Variants in RARB observed in about 807,000 individuals in gnomAD.
RARB encodes retinoic acid receptor beta.
In RARB, 17 loss-of-function variants were observed where a neutral mutation model predicts 51.9. That is an observed-to-expected ratio of 0.33 (90% CI 0.22 to 0.49). The LOEUF (loss-of-function observed/expected upper bound fraction) is 0.49, where lower values mean the gene tolerates loss of function less well. Ranked by LOEUF, RARB falls within the 20% of genes least tolerant of loss-of-function variation. The probability of loss-of-function intolerance (pLI) is 0.99; values close to 1 mark genes in which losing one functional copy is unlikely to be tolerated. For missense variants in RARB, 369 were observed against 550.8 expected (o/e 0.67, Z 3.30); for synonymous variants, 215 against 195.4 (o/e 1.10, Z -0.84).
At chr3:25,556,518 A>G (rs1374950786) in intron 3 of RARB, among the ~76,000 whole-genome samples, 4 of 151,612 alleles carry the variant, frequency 2.6e-5, no homozygotes, top group Non-Finnish European at 5.9e-5. Context: ...TTGAAAAAGC[A>G]AAAAGTTTTA....
At chr3:25,090,482 T>A (rs866224369) in intron 3 of RARB, among the ~76,000 whole-genome samples, 7 of 152,256 alleles carry the variant, frequency 4.6e-5, no homozygotes, top group Middle Eastern at 3.4e-3. Context: ...TTTGTCACCA[T>A]CTCCTGTGCT....
chr3:25,071,962 C>G (rs944667409), intron 3 of RARB, among the ~76,000 whole-genome samples: 1 of 152,166 alleles, frequency 6.6e-6, no homozygotes, highest in South Asian at 2.1e-4. Flanking sequence ...CAAGGCAAAC[C>G]ATGCTACCTA....
intron 5 of RARB, among the ~76,000 whole-genome samples, chr3:25,233,400 C>T (rs1026354834): frequency 6.6e-6 from 1 of 152,132 alleles, no homozygotes; most frequent in African/African-American, 2.4e-5. Context: ...TGCAACCTTG[C>T]TAACATCACT....
intron 1 of RARB, among the ~76,000 whole-genome samples, chr3:24,845,512 A>G (rs997632385): frequency 7.2e-5 from 11 of 152,120 alleles, no homozygotes; most frequent in African/African-American, 2.7e-4. Context: ...GGAGATTTTG[A>G]TGGGGCATGT....
At chr3:25,593,002 G>A (rs1701671256) in intron 5 of RARB, among the ~76,000 whole-genome samples, 1 of 152,066 alleles carries the variant, frequency 6.6e-6, no homozygotes, top group Non-Finnish European at 1.5e-5. Context: ...TAACCTTTCT[G>A]AGCCTTAAGT....
chr3:25,541,563 A>G (rs1455900330), intron 3 of RARB, among the ~76,000 whole-genome samples: 2 of 152,222 alleles, frequency 1.3e-5, no homozygotes, highest in African/African-American at 2.4e-5. Context: ...AGAAAAGACC[A>G]GTTCAAACTT....
At chr3:25,386,578 C>A (rs139484184) in intron 5 of RARB, among the ~76,000 whole-genome samples, 1 of 152,192 alleles carries the variant, frequency 6.6e-6, no homozygotes, top group Admixed American at 6.5e-5. Flanking sequence ...TGGATTCAGG[C>A]GGAGGCCTTG....
At chr3:25,113,708 T>G (rs1453410364) in intron 3 of RARB, among the ~76,000 whole-genome samples, 1 of 152,048 alleles carries the variant, frequency 6.6e-6, no homozygotes, top group Non-Finnish European at 1.5e-5. Flanking sequence ...CCTGCTGGGA[T>G]ATAGACAACT....
At chr3:25,343,017 A>G (rs1705277064) in intron 5 of RARB, among the ~76,000 whole-genome samples, 1 of 112,846 alleles carries the variant, frequency 8.9e-6, no homozygotes, top group East Asian at 2.2e-4. Context: ...TACATTTTGC[A>G]AGTACTTTGT....
At chr3:25,117,602 AC>A (rs1232256888) in intron 3 of RARB, among the ~76,000 whole-genome samples, 1 of 152,114 alleles carries the variant, frequency 6.6e-6, no homozygotes, top group Non-Finnish European at 1.5e-5. Context: ...GTGGGAGGAA[AC>A]AGGTGAATTA....
intron 3 of RARB, among the ~76,000 whole-genome samples, chr3:25,121,343 C>T (rs144877566): frequency 2.2e-4 from 33 of 152,168 alleles, no homozygotes; most frequent in African/African-American, 7.9e-4. Context: ...CATTGCTCAC[C>T]TCCTTTTCAG....
intron 2 of RARB, among the ~76,000 whole-genome samples, chr3:24,947,935 A>G (rs1695809697): frequency 6.6e-6 from 1 of 151,930 alleles, no homozygotes; most frequent in South Asian, 2.1e-4. Flanking sequence ...ATGCTTAATG[A>G]TGTTACCAAT....
chr3:25,067,571 C>A (rs1477740457), intron 3 of RARB, among the ~76,000 whole-genome samples: 1 of 152,162 alleles, frequency 6.6e-6, no homozygotes, highest in Non-Finnish European at 1.5e-5. Context: ...TTGCTTAAAA[C>A]ATGGATTCCT....
intron 5 of RARB, among the ~76,000 whole-genome samples, chr3:25,401,557 TA>T (rs1707263745): frequency 6.6e-6 from 1 of 152,200 alleles, no homozygotes; most frequent in East Asian, 1.9e-4. Context: ...TGGGGAATTT[TA>T]CCAGAAAACT....
At chr3:24,872,599 G>GA (rs1702967694) in intron 2 of RARB, among the ~76,000 whole-genome samples, 1 of 152,104 alleles carries the variant, frequency 6.6e-6, no homozygotes, top group South Asian at 2.1e-4. Flanking sequence ...GCCAGCAAGA[G>GA]AGGGAGGAGG....
intron 5 of RARB, among the ~76,000 whole-genome samples, chr3:25,336,897 G>A (rs980071847): frequency 3.9e-5 from 6 of 152,114 alleles, no homozygotes; most frequent in African/African-American, 1.4e-4. Context: ...CTCAGAACAG[G>A]GTCCTACTCT....
At chr3:25,494,806 G>A (rs1696941332) in intron 2 of RARB, among the ~76,000 whole-genome samples, 1 of 152,178 alleles carries the variant, frequency 6.6e-6, no homozygotes, top group Admixed American at 6.5e-5. Context: ...ACTATTTGGG[G>A]ATCTTTATTT....
Position 24,989,111 on chromosome 3 carries a change from C to A in RARB, c.-379-71014C>A, listed in dbSNP as rs1696857697. Among the ~76,000 whole-genome samples the A allele has an allele frequency of 3.3e-5, 5 of 152,348 alleles. No individual in the cohort carries two copies. In the South Asian group the frequency reaches 8.3e-4, roughly 25 times the overall value. On this transcript the variant is annotated intron_variant, in intron 2 of 11. Transcript: ENST00000383772. ...AAAGTGCTGGGATTACAGGCGTGAG[C>A]CACCGCACCCGGCCCACTTATTGTT...
chr3:25,511,141 G>GTTTT lies in RARB; in HGVS notation c.448+9824_448+9827dup, dbSNP rs61573718. Among the ~76,000 whole-genome samples, 13 of 150,814 alleles carry GTTTT rather than the reference G, an allele frequency of 8.6e-5. No homozygotes were observed. In the South Asian group the frequency reaches 2.7e-3, roughly 32 times the overall value. ...TATTTTTTGTTTTTTGTTTTGGTTT[G>GTTTT]TTTTTTTTTGAGATGGCGTCTTGCT... On this transcript the variant is annotated intron_variant, in intron 3 of 7. Transcript: ENST00000330688.
Sources: allele counts gnomAD v4.1 joint callset (sites outside exome capture counted in the v4.1 genomes callset), GRCh38; gene constraint gnomAD v4.1.1; transcripts MANE v1.5; gene names NCBI Gene and HGNC (gene_info 2026-07-23, HGNC 2026-07-21).